Variants in KCNMA1 observed in about 807,000 individuals in gnomAD.
The protein encoded by KCNMA1 is potassium calcium-activated channel subfamily M alpha 1.
Under a neutral mutation model 140.0 loss-of-function variants are expected in KCNMA1, and 29 were observed. That is an observed-to-expected ratio of 0.21 (90% CI 0.15 to 0.28). KCNMA1 has a LOEUF of 0.28. Ranked by LOEUF, KCNMA1 falls within the 10% of genes least tolerant of loss-of-function variation. The pLI is 1.00. For synonymous variants in KCNMA1, 612 were observed against 611.9 expected, an observed-to-expected ratio of 1.00 and a Z score of 0.00; for missense variants, 880 against 1,602.2, an observed-to-expected ratio of 0.55 and a Z score of 7.70.
chr10:76,907,661 C>T (rs2152325668), intron 25 of KCNMA1, among the ~76,000 whole-genome samples: 1 of 152,312 alleles, frequency 6.6e-6, no homozygotes, highest in South Asian at 2.1e-4. Context: ...GCCTCAGCCT[C>T]CCAAGTAGCT....
chr10:77,400,293 G>A lies in KCNMA1; in HGVS notation c.540+3569C>T, dbSNP rs553440493. Among the ~76,000 whole-genome samples the A allele has an allele frequency of 3.0e-4, 45 of 152,330 alleles. No homozygotes were observed. In the Middle Eastern group the frequency reaches 0.01, roughly 35 times the overall value. On this transcript the variant is annotated intron_variant, in intron 2 of 27. Transcript: ENST00000286628. ...GAGATGCCTGCTTTCTGTGCAGCAG[G>A]TCCCACTTGCTCTGCATGGCCCCAA...
intron 2 of KCNMA1, among the ~76,000 whole-genome samples, chr10:77,350,913 TG>T (rs2092796563): frequency 6.6e-6 from 1 of 152,176 alleles, no homozygotes; most frequent in South Asian, 2.1e-4. Flanking sequence ...GAGGGTGGTT[TG>T]GGGGTGGAGG....
chr10:77,127,685 A>G (rs1446100447), intron 5 of KCNMA1, among the ~76,000 whole-genome samples: 2 of 152,110 alleles, frequency 1.3e-5, no homozygotes, highest in Admixed American at 6.6e-5. Flanking sequence ...AAGAATCCCA[A>G]TTTGAGGTCG....
At chr10:77,572,372 AC>A (rs1390570993) in intron 1 of KCNMA1, among the ~76,000 whole-genome samples, 1 of 151,254 alleles carries the variant, frequency 6.6e-6, no homozygotes, top group Non-Finnish European at 1.5e-5. Context: ...GCATTTTATA[AC>A]CAGTAATGGC....
intron 14 of KCNMA1, among the ~76,000 whole-genome samples, chr10:77,056,039 A>G (rs746093769): frequency 2.6e-5 from 4 of 152,140 alleles, no homozygotes; most frequent in Non-Finnish European, 4.4e-5. Context: ...CTCAACTAAC[A>G]TTGAAGTCAC....
intron 2 of KCNMA1, among the ~76,000 whole-genome samples, chr10:77,337,545 G>A (rs920451782): frequency 4.6e-5 from 7 of 152,214 alleles, no homozygotes; most frequent in Non-Finnish European, 8.8e-5. Flanking sequence ...GCTTGAGCCC[G>A]AGAGGCGGAG....
chr10:76,910,755 A>T (rs1054371884), intron 24 of KCNMA1: 3 of 158,872 alleles, frequency 1.9e-5, no homozygotes, highest in Non-Finnish European at 2.8e-5. Context: ...CTGAATTTTG[A>T]GTTGCATGGG....
In KCNMA1 at chr10:76,885,282, A is replaced by G. The variant is rs1228634283; in HGVS notation, c.*1984T>C. The stretch of plus-strand genomic sequence containing the variant: ...ATATAGTTTATATAAAGAGATAGTT[A>G]TACATAATATAAATCAATATATAGA... On this transcript the variant is annotated 3_prime_UTR_variant, in exon 28 of 28. Coordinates refer to ENST00000286628, the MANE Select transcript of KCNMA1 (RefSeq NM_001161352.2). The G allele has an allele frequency of 1.5e-6, 1 of 647,462 alleles. No homozygotes were observed. The highest frequency in any genetic ancestry group is 6.4e-5 in the Admixed American group (1 of 15,714). 40.1% of individuals were successfully genotyped at this position (647,462 alleles called of 1,614,324 possible).
chr10:77,134,997 C>CAAAAAAAA (rs71028253), intron 5 of KCNMA1, among the ~76,000 whole-genome samples: 1,671 of 11,776 alleles, frequency 0.14, 587 homozygotes, highest in Non-Finnish European at 0.17. Flanking sequence ...GACTCTGTCT[C>CAAAAAAAA]AAAAAAAAAA....
intron 1 of KCNMA1, among the ~76,000 whole-genome samples, chr10:77,466,034 C>T (rs2098000221): frequency 6.6e-6 from 1 of 152,164 alleles, no homozygotes; most frequent in African/African-American, 2.4e-5. Flanking sequence ...GTAGGATGCC[C>T]AGCAAGGGCA....
At chr10:77,550,577 GC>G (rs1282017994) in intron 1 of KCNMA1, among the ~76,000 whole-genome samples, 1 of 152,208 alleles carries the variant, frequency 6.6e-6, no homozygotes, top group African/African-American at 2.4e-5. Context: ...GCTGGAACGG[GC>G]CCTGAAAACA....
At chr10:77,506,310 G>A (rs917187955) in intron 1 of KCNMA1, among the ~76,000 whole-genome samples, 13 of 152,090 alleles carry the variant, frequency 8.5e-5, no homozygotes, top group Admixed American at 7.2e-4. Flanking sequence ...AGCACATCTA[G>A]GGGTTCAACC....
intron 2 of KCNMA1, among the ~76,000 whole-genome samples, chr10:77,297,111 C>A (rs193290525): frequency 6.6e-6 from 1 of 152,150 alleles, no homozygotes; most frequent in African/African-American, 2.4e-5. Context: ...GGTCCTACCC[C>A]CTGTGAAGAA....
At chr10:76,918,748 C>G (rs1008066067) in intron 23 of KCNMA1, among the ~76,000 whole-genome samples, 5 of 152,050 alleles carry the variant, frequency 3.3e-5, no homozygotes, top group Admixed American at 2.0e-4. Flanking sequence ...GTTATCTACC[C>G]AGAGGAAAAG....
chr10:77,191,553 G>T (rs1751415482), intron 3 of KCNMA1, among the ~76,000 whole-genome samples: 1 of 152,094 alleles, frequency 6.6e-6, no homozygotes, highest in Admixed American at 6.6e-5. Context: ...GGGCATGTGT[G>T]TTCAATAAGT....
At chr10:77,338,976 T>C (rs1465335703) in intron 2 of KCNMA1, among the ~76,000 whole-genome samples, 3 of 152,204 alleles carry the variant, frequency 2.0e-5, no homozygotes, top group Admixed American at 1.3e-4. Context: ...ATGTGTCTCA[T>C]GCATGTATTC....
intron 3 of KCNMA1, among the ~76,000 whole-genome samples, chr10:77,203,252 T>C (rs888100940): frequency 3.3e-5 from 5 of 152,212 alleles, no homozygotes; most frequent in African/African-American, 1.2e-4. Flanking sequence ...AAAGAAGTTT[T>C]GTAACAGTGG....
At chr10:77,001,803 T>C (rs1055428356) in intron 18 of KCNMA1, among the ~76,000 whole-genome samples, 1 of 152,192 alleles carries the variant, frequency 6.6e-6, no homozygotes, top group Admixed American at 6.5e-5. Context: ...CTCCCAAGGC[T>C]GTTGCACATG....
intron 2 of KCNMA1, among the ~76,000 whole-genome samples, chr10:77,356,787 C>T (rs1331794071): frequency 6.6e-6 from 1 of 152,182 alleles, no homozygotes; most frequent in Non-Finnish European, 1.5e-5. Context: ...CCCACCTCCA[C>T]CTTCCATCTC....
Sources: allele counts gnomAD v4.1 joint callset (sites outside exome capture counted in the v4.1 genomes callset), GRCh38; gene constraint gnomAD v4.1.1; transcripts MANE v1.5; gene names NCBI Gene and HGNC (gene_info 2026-07-23, HGNC 2026-07-21).